SLC35A3: variants seen among roughly 807,000 people sequenced by gnomAD.
The protein encoded by SLC35A3 is solute carrier family 35 member A3.
A neutral mutation model predicts 39.0 loss-of-function variants in SLC35A3; 26 were observed. That is an observed-to-expected ratio of 0.67 (90% confidence interval 0.49 to 0.92). The LOEUF is 0.92. Among genes scored for constraint, SLC35A3 ranks in the 40% least tolerant of loss-of-function variants. The pLI is 0.00. For synonymous variants in SLC35A3, 135 were observed against 133.1 expected (o/e 1.01, Z -0.10); for missense variants, 299 against 371.6 (o/e 0.80, Z 1.61).
intron 2 of SLC35A3, among the ~76,000 whole-genome samples, chr1:99,996,858 T>C (rs1007266287): frequency 6.6e-6 from 1 of 152,124 alleles, no homozygotes; most frequent in Admixed American, 6.5e-5. Context: ...GGTAGCAATT[T>C]TAAAGTTTTT....
At chr1:100,016,409 T>A (rs1237042216) in intron 6 of SLC35A3, among the ~76,000 whole-genome samples, 1 of 132,436 alleles carries the variant, frequency 7.6e-6, no homozygotes, top group Non-Finnish European at 1.6e-5. Flanking sequence ...AGTCTCGCTC[T>A]GTTGCCCAGG....
In SLC35A3 at chr1:99,976,288, CTG is replaced by C. The variant is rs764337268; in HGVS notation, c.-19+6128_-19+6129del. 2.0e-5 allele frequency among the ~76,000 whole-genome samples: 3 copies of C among 152,050 alleles called. No homozygotes were observed. In the South Asian group the frequency reaches 6.2e-4, roughly 32 times the overall value. On this transcript the variant is annotated intron_variant, in intron 1 of 7. Transcript: ENST00000533028. ...TTATAGTATGTGTAAACTTCTAAGA[CTG>C]TAGGTTTACCTGGAAGTGGTTGCAA...
chr1:100,000,896 G>A (rs904620262), intron 3 of SLC35A3, among the ~76,000 whole-genome samples: 1 of 151,792 alleles, frequency 6.6e-6, no homozygotes, highest in African/African-American at 2.4e-5. Flanking sequence ...TATGGTGAGA[G>A]ATGGGATCTA....
Position 100,022,488 on chromosome 1 carries a change from C to G in SLC35A3, c.*12C>G, listed in dbSNP as rs76983464. On this transcript the variant is annotated 3_prime_UTR_variant, in exon 8 of 8. Coordinates refer to ENST00000533028, the MANE Select transcript of SLC35A3 (RefSeq NM_012243.3). ...CCACTAAAGCATAGTTGTATACTAT[C>G]TTTAACTGGTTTTTCACGATGGGGC... 1.4e-6 allele frequency: 2 copies of G among 1,446,780 alleles called. No individual in the cohort carries two copies. Among genetic ancestry groups the G allele is most frequent in the Non-Finnish European group, 1.9e-6 (2 of 1,039,210 alleles). The allele number at this position is 1,446,780 out of a possible 1,614,324, so 89.6% of individuals were successfully genotyped here.
intron 5 of SLC35A3, among the ~76,000 whole-genome samples, chr1:100,014,016 T>A (rs1254425708): frequency 6.6e-6 from 1 of 152,162 alleles, no homozygotes; most frequent in Non-Finnish European, 1.5e-5. Flanking sequence ...CTTCTGGGAA[T>A]CTCTTATTCC....
intron 5 of SLC35A3, among the ~76,000 whole-genome samples, chr1:100,013,879 G>A (rs1027086513): frequency 6.6e-6 from 1 of 152,066 alleles, no homozygotes; most frequent in African/African-American, 2.4e-5. Flanking sequence ...GGAATACTTT[G>A]ATTAGTTATA....
In SLC35A3 at chr1:100,033,117, C is replaced by T. The variant is rs1661327188; in HGVS notation, c.*10641C>T. On this transcript the variant is annotated 3_prime_UTR_variant, in exon 8 of 8. Transcript: ENST00000533028. ...TTTTAGTGGACATAGCTAGGAAATA[C>T]AATTTTAAAAGATCATGAATTCAAA... 1 of 151,934 alleles carries T rather than the reference C, an allele frequency of 6.6e-6. No homozygotes were observed. 9.4% of individuals were successfully genotyped at this position (151,934 alleles called of 1,614,324 possible).
intron 7 of SLC35A3, among the ~76,000 whole-genome samples, chr1:100,019,101 A>G (rs1660355125): frequency 6.6e-6 from 1 of 151,794 alleles, no homozygotes; most frequent in Non-Finnish European, 1.5e-5. Flanking sequence ...GCTTTAATGT[A>G]CTTTGAGAAT....
Position 100,011,470 on chromosome 1 carries a change from G to T in SLC35A3, c.571G>T (p.Val191Phe), listed in dbSNP as rs772491597. Residue 191 changes from valine to phenylalanine, a missense_variant, in exon 5 of 8, where the codon GTT (valine) becomes TTT (phenylalanine). Val to Phe is a conservative substitution (Grantham distance 50). Coordinates refer to ENST00000533028, the MANE Select transcript of SLC35A3 (RefSeq NM_012243.3). ...ATGTTTTTCAAGTGGCTTTGCTGGG[G>T]TTTACTTTGAGAAAATCTTAAAAGA... ...TACFSSGFAGVYFEKILKETK... is the reference protein window; with the variant it reads ...TACFSSGFAGFYFEKILKETK... The T allele has an allele frequency of 1.3e-6, 2 of 1,574,506 alleles. No individual in the cohort carries two copies. Among genetic ancestry groups the T allele is most frequent in the Admixed American group, 1.7e-5 (1 of 58,100 alleles).
chr1:100,020,544 C>T (rs1260082241), intron 7 of SLC35A3, among the ~76,000 whole-genome samples: 4 of 152,236 alleles, frequency 2.6e-5, no homozygotes, highest in East Asian at 1.9e-4. Flanking sequence ...TAACTGCATT[C>T]GAGTCTTTTG....
At position 100,011,632 on chromosome 1, in the gene SLC35A3, TCTG is replaced by T. The variant is rs1395064624; in HGVS notation, c.634+102_634+104del. 28 of 362,638 alleles carry T rather than the reference TCTG, an allele frequency of 7.7e-5. No homozygotes were observed. In the East Asian group the frequency reaches 1.2e-3, roughly 15 times the overall value. The allele number at this position is 362,638 out of a possible 1,614,324, so 22.5% of individuals were successfully genotyped here. A position where few individuals can be genotyped will look rare whatever the true frequency, so the allele number is the denominator to read the frequency against. ...TTAAATAAATGAGCCTTGCATAAAA[TCTG>T]CTATTGATCCAAATATCTGGCAATG... On this transcript the variant is annotated intron_variant, in intron 5 of 7. Transcript: ENST00000533028.
Position 100,027,402 on chromosome 1 carries a change from T to C in SLC35A3, c.*4926T>C, listed in dbSNP as rs1244572115. ...AGCAATTTGATGCTGCAGTAAACCA[T>C]GATGACACTACTGGACTCTAGCCTG... On this transcript the variant is annotated 3_prime_UTR_variant, in exon 8 of 8. Transcript: ENST00000533028. 5.2e-6 allele frequency: 2 copies of C among 384,222 alleles called. No individual in the cohort carries two copies. Among genetic ancestry groups the C allele is most frequent in the East Asian group, 3.7e-5 (1 of 27,204 alleles). The allele number at this position is 384,222 out of a possible 1,614,324, so 23.8% of individuals were successfully genotyped here. A position where few individuals can be genotyped will look rare whatever the true frequency, so the allele number is the denominator to read the frequency against.
chr1:100,003,401 A>G (rs927809542), intron 3 of SLC35A3, among the ~76,000 whole-genome samples: 5 of 140,980 alleles, frequency 3.5e-5, no homozygotes, highest in Non-Finnish European at 7.6e-5. Context: ...GGGCAACAAG[A>G]TTGAAACTCC....
intron 1 of SLC35A3, 141 bp from the exon 2 acceptor site, chr1:99,993,396 T>G: frequency 1.6e-6 from 1 of 611,114 alleles, no homozygotes; most frequent in Non-Finnish European, 2.7e-6. Context: ...TTGGTTTCTG[T>G]TTTTTTTTCT....
intron 1 of SLC35A3, among the ~76,000 whole-genome samples, chr1:99,992,694 G>T (rs1363570273): frequency 6.6e-6 from 1 of 152,138 alleles, no homozygotes; most frequent in Non-Finnish European, 1.5e-5. Flanking sequence ...TCTCTGCATT[G>T]TTGTCTGTTG....
intron 3 of SLC35A3, among the ~76,000 whole-genome samples, chr1:100,005,128 C>T (rs938890036): frequency 2.0e-5 from 3 of 152,188 alleles, no homozygotes; most frequent in African/African-American, 7.2e-5. Context: ...TCTTTCAGCA[C>T]TTTGAATATA....
At chr1:100,009,956 C>G (rs893884110) in intron 4 of SLC35A3, among the ~76,000 whole-genome samples, 1 of 152,132 alleles carries the variant, frequency 6.6e-6, no homozygotes, top group Non-Finnish European at 1.5e-5. Context: ...TGAATCAGCT[C>G]TCCAGGGTAG....
Position 100,024,068 on chromosome 1 carries a change from G to A in SLC35A3, c.*1592G>A, listed in dbSNP as rs576316826. 2.0e-5 allele frequency: 3 copies of A among 151,756 alleles called. No individual in the cohort carries two copies. The highest frequency in any genetic ancestry group is 7.3e-5 in the African/African-American group (3 of 41,322). The allele number at this position is 151,756 out of a possible 1,614,324, so 9.4% of individuals were successfully genotyped here. A position where few individuals can be genotyped will look rare whatever the true frequency, so the allele number is the denominator to read the frequency against. ...CCACCATTTTGCTTTAAAATAGTGG[G>A]TTTTTTTCCTTTTTAATGAACACTG... On this transcript the variant is annotated 3_prime_UTR_variant, in exon 8 of 8. Transcript: ENST00000533028.
chr1:99,993,484 A>G lies in SLC35A3; in HGVS notation c.-18-53A>G, dbSNP rs1001238674. On this transcript the variant is annotated intron_variant, in intron 1 of 7. Coordinates refer to ENST00000533028, the MANE Select transcript of SLC35A3 (RefSeq NM_012243.3). ...CCCTCTCGGTGTTTTTAAATATACT[A>G]GTTTTCATATGTTGTAATCTTATTT... 4 of 1,456,574 alleles carry G rather than the reference A, an allele frequency of 2.7e-6. No individual in the cohort carries two copies. The Admixed American group carries it at 5.6e-5, about 20-fold the overall frequency. The allele number at this position is 1,456,574 out of a possible 1,614,324, so 90.2% of individuals were successfully genotyped here.
Sources: gnomAD v4.1 joint callset for allele counts (sites outside exome capture counted in the v4.1 genomes callset) on GRCh38, gnomAD v4.1.1 for gene constraint, MANE v1.5 for transcripts, NCBI Gene and HGNC (gene_info 2026-07-23, HGNC 2026-07-21) for gene names.